The following MID1 variants were observed in gnomAD, a reference collection of about 807,000 sequenced individuals.
MID1 encodes the protein midline 1.
MID1 carries 7 observed loss-of-function variants against 40.4 expected under a neutral mutation model. That is an observed-to-expected ratio of 0.17 (90% CI 0.10 to 0.33). MID1 has a LOEUF of 0.33. Ranked by LOEUF, MID1 falls within the 10% of genes least tolerant of loss-of-function variation. The pLI, the probability that MID1 is intolerant of heterozygous loss-of-function variation, is 1.00. For synonymous variants in MID1, 229 were observed against 221.2 expected, an observed-to-expected ratio of 1.04 and a Z score of -0.31; for missense variants, 367 against 558.5, an observed-to-expected ratio of 0.66 and a Z score of 3.46.
At chrX:10,686,361 C>A (rs1172047156) in intron 1 of MID1, among the ~76,000 whole-genome samples, 2 of 111,498 alleles carry the variant, frequency 1.8e-5, no homozygotes, top group African/African-American at 3.3e-5. Flanking sequence ...TCACCAATAT[C>A]TTCTGCATAG....
In MID1 at chrX:10,754,309, G is replaced by T. The variant is rs767966737; in HGVS notation, c.-187+79245C>A. ...AGAATAGACAAGAGAGTTTTTTTTT[G>T]TTTTTTGTTTTTTGTTTTTTTTGTC... On this transcript the variant is annotated intron_variant, in intron 1 of 10. Coordinates refer to the MID1 transcript ENST00000380785. Among the ~76,000 whole-genome samples the T allele has an allele frequency of 3.2e-3, 337 of 104,445 alleles. 4 individuals carry two copies. Among genetic ancestry groups the T allele is most frequent in the African/African-American group, 0.013 (318 of 24,986 alleles). The allele number at this position is 104,445 out of a possible 115,157, so 90.7% of individuals were successfully genotyped here.
chrX:10,786,166 C>T (rs2043881566), intron 1 of MID1, among the ~76,000 whole-genome samples: 1 of 111,915 alleles, frequency 8.9e-6, no homozygotes, highest in Non-Finnish European at 1.9e-5. Context: ...AGGATATGAA[C>T]AGACACTTCT....
chrX:10,667,101 C>T (rs2042955535), intron 1 of MID1, among the ~76,000 whole-genome samples: 1 of 111,355 alleles, frequency 9.0e-6, no homozygotes, highest in African/African-American at 3.3e-5. Flanking sequence ...ATTCTGGTAC[C>T]TTGATTTTGC....
At chrX:10,776,799 T>TA (rs1018258307) in intron 1 of MID1, among the ~76,000 whole-genome samples, 2 of 111,749 alleles carry the variant, frequency 1.8e-5, no homozygotes, top group South Asian at 7.4e-4. Flanking sequence ...GTTTTAAAAA[T>TA]AAAAAAAAGA....
chrX:10,734,777 T>C (rs1470212987), intron 1 of MID1, among the ~76,000 whole-genome samples: 2 of 111,705 alleles, frequency 1.8e-5, no homozygotes, highest in Non-Finnish European at 1.9e-5. Flanking sequence ...TTTTCTGGGG[T>C]TATAACAATG....
chrX:10,648,520 G>C (rs1936284924), intron 1 of MID1, among the ~76,000 whole-genome samples: 1 of 112,044 alleles, frequency 8.9e-6, no homozygotes, highest in East Asian at 2.8e-4. Flanking sequence ...GATGCCAGGA[G>C]AGAAAAACTC....
At chrX:10,726,526 A>G (rs1209396821) in intron 1 of MID1, among the ~76,000 whole-genome samples, 1 of 111,894 alleles carries the variant, frequency 8.9e-6, no homozygotes, top group Non-Finnish European at 1.9e-5. Flanking sequence ...AAACAGAATA[A>G]GAGATACATC....
At chrX:10,715,123 G>A (rs1429178265) in intron 1 of MID1, among the ~76,000 whole-genome samples, 5 of 112,245 alleles carry the variant, frequency 4.5e-5, no homozygotes, top group Non-Finnish European at 3.8e-5. Flanking sequence ...CATGAGCAAC[G>A]CAGAAGACGA....
chrX:10,775,698 C>T (rs1248015021), intron 1 of MID1, among the ~76,000 whole-genome samples: 1 of 111,623 alleles, frequency 9.0e-6, no homozygotes. Context: ...TGGGACCCTA[C>T]AAGCTAGCCT....
At position 10,585,175 on chromosome X, in the gene MID1, C is replaced by T. The variant is rs1475582398; in HGVS notation, c.-56-17572G>A. On this transcript the variant is annotated intron_variant, in intron 1 of 9. Transcript: ENST00000317552. ...TTTCAGGTCTGGTTCCTTGGTTTCA[C>T]GTCTGGTTGCTAGGCGCCGGGCTAC... Among the ~76,000 whole-genome samples, 23 of 111,292 alleles carry T rather than the reference C, an allele frequency of 2.1e-4. 1 individual carries two copies. The highest frequency in any genetic ancestry group is 2.0e-3 in the Admixed American group (21 of 10,531).
chrX:10,468,749 GA>G (rs1929525522), intron 7 of MID1, among the ~76,000 whole-genome samples: 1 of 111,640 alleles, frequency 9.0e-6, no homozygotes, highest in African/African-American at 3.3e-5. Context: ...GCCTCAGTGA[GA>G]GGGGGCACCT....
intron 2 of MID1, among the ~76,000 whole-genome samples, chrX:10,527,530 A>G (rs1490953136): frequency 8.9e-6 from 1 of 112,067 alleles, no homozygotes; most frequent in Non-Finnish European, 1.9e-5. Context: ...AGTTCCAGAC[A>G]CTAGAAGGGC....
rs765963920 is a variant in MID1, at chrX:10,764,513, T to C, written c.-187+69041A>G. Among the ~76,000 whole-genome samples the C allele has an allele frequency of 3.6e-5, 4 of 112,162 alleles. No individual in the cohort carries two copies. The South Asian group carries it at 1.5e-3, about 42-fold the overall frequency. ...AAGTTCAAATATGTTCCTAATATAA[T>C]ATTTACATTTCATGTAAATATCTCT... On this transcript the variant is annotated intron_variant, in intron 1 of 10. Transcript: ENST00000380785.
At chrX:10,519,831 T>G (rs1056298127) in intron 3 of MID1, among the ~76,000 whole-genome samples, 5 of 111,997 alleles carry the variant, frequency 4.5e-5, no homozygotes, top group Admixed American at 2.8e-4. Flanking sequence ...TTGGAAAAAG[T>G]TGCTAACTCA....
At chrX:10,653,625 G>A (rs2042849211) in intron 1 of MID1, among the ~76,000 whole-genome samples, 1 of 112,551 alleles carries the variant, frequency 8.9e-6, no homozygotes, top group African/African-American at 3.2e-5. Context: ...TTAAAACAAG[G>A]AAAACATTGC....
At chrX:10,706,113 C>A (rs1309866901) in intron 1 of MID1, among the ~76,000 whole-genome samples, 1 of 110,990 alleles carries the variant, frequency 9.0e-6, no homozygotes, top group Non-Finnish European at 1.9e-5. Context: ...GCAAGACCTT[C>A]CCCAACCCAA....
At chrX:10,727,696 C>T (rs1266406873) in intron 1 of MID1, among the ~76,000 whole-genome samples, 1 of 111,444 alleles carries the variant, frequency 9.0e-6, no homozygotes, top group East Asian at 2.8e-4. Context: ...CTGACTTCTA[C>T]TGAATCTGAG....
chrX:10,598,632 T>C (rs925323965), intron 1 of MID1, among the ~76,000 whole-genome samples: 1 of 112,294 alleles, frequency 8.9e-6, no homozygotes, highest in Admixed American at 9.4e-5. Context: ...TGCTTTGAGG[T>C]TGGAGATGGC....
intron 3 of MID1, among the ~76,000 whole-genome samples, chrX:10,503,762 G>A (rs1325392072): frequency 8.9e-6 from 1 of 112,027 alleles, no homozygotes; most frequent in Non-Finnish European, 1.9e-5. Flanking sequence ...GGAACCTCAT[G>A]ATAAATCCTC....
Sources: gnomAD v4.1 joint callset for allele counts (sites outside exome capture counted in the v4.1 genomes callset) on GRCh38, gnomAD v4.1.1 for gene constraint, MANE v1.5 for transcripts, NCBI Gene and HGNC (gene_info 2026-07-23, HGNC 2026-07-21) for gene names.